STK3: variants seen among roughly 807,000 people sequenced by gnomAD.
STK3 encodes the protein serine/threonine kinase 3, also known as serine/threonine-protein kinase 3.
In STK3, 41 loss-of-function variants were observed where a neutral mutation model predicts 58.0. That is an observed-to-expected ratio of 0.71 (90% CI 0.55 to 0.92). The LOEUF is 0.92. Among genes scored for constraint, STK3 ranks in the 40% least tolerant of loss-of-function variants. The pLI is 0.00. For synonymous variants in STK3, 170 were observed against 191.0 expected (o/e 0.89, Z 0.91); for missense variants, 479 against 602.7 (o/e 0.79, Z 2.15).
At chr8:98,583,678 C>G (rs1302171491) in intron 7 of STK3, among the ~76,000 whole-genome samples, 1 of 152,166 alleles carries the variant, frequency 6.6e-6, no homozygotes, top group Non-Finnish European at 1.5e-5. Context: ...AAGGCAGCTT[C>G]TTGCGTCTTT....
intron 1 of STK3, among the ~76,000 whole-genome samples, chr8:98,385,837 T>C (rs1253767749): frequency 6.6e-6 from 1 of 152,226 alleles, no homozygotes; most frequent in Non-Finnish European, 1.5e-5. Flanking sequence ...CCAGCGCTCC[T>C]TGCCTCTTCT....
intron 1 of STK3, among the ~76,000 whole-genome samples, chr8:98,441,818 C>G (rs1818707249): frequency 1.3e-5 from 2 of 152,122 alleles, no homozygotes; most frequent in Non-Finnish European, 2.9e-5. Context: ...ATCTTTGTTC[C>G]CTTTTTGTTT....
intron 1 of STK3, among the ~76,000 whole-genome samples, chr8:98,931,015 G>T (rs900467399): frequency 1.3e-5 from 2 of 152,180 alleles, no homozygotes; most frequent in Non-Finnish European, 2.9e-5. Context: ...CTAACCCACA[G>T]CTTCTGTCTG....
At chr8:98,891,010 C>T (rs1243542261) in intron 1 of STK3, among the ~76,000 whole-genome samples, 1 of 152,216 alleles carries the variant, frequency 6.6e-6, no homozygotes, top group East Asian at 1.9e-4. Context: ...CTTACAAATG[C>T]CTTCTACTCA....
intron 3 of STK3, among the ~76,000 whole-genome samples, chr8:98,760,091 G>A (rs1172368130): frequency 6.6e-6 from 1 of 151,376 alleles, no homozygotes; most frequent in Non-Finnish European, 1.5e-5. Context: ...CTGAATCTGT[G>A]GATGCAGAAC....
At chr8:98,659,798 G>C (rs1238569929) in intron 6 of STK3, among the ~76,000 whole-genome samples, 1 of 151,822 alleles carries the variant, frequency 6.6e-6, no homozygotes, top group East Asian at 1.9e-4. Context: ...TAGCAATATA[G>C]CTGCAAAACA....
At chr8:98,855,607 C>A (rs1401142908) in intron 3 of STK3, among the ~76,000 whole-genome samples, 1 of 152,062 alleles carries the variant, frequency 6.6e-6, no homozygotes, top group Non-Finnish European at 1.5e-5. Context: ...TCAGCCATAG[C>A]TTCTTAGATA....
At chr8:98,818,390 G>A (rs891852747) in intron 1 of STK3, among the ~76,000 whole-genome samples, 2 of 152,182 alleles carry the variant, frequency 1.3e-5, no homozygotes, top group South Asian at 2.1e-4. Flanking sequence ...AGTAAAGGCC[G>A]AATGCCAATT....
At chr8:98,826,107 G>A (rs1835288939), upstream of STK3, among the ~76,000 whole-genome samples, 1 of 152,192 alleles carries the variant, frequency 6.6e-6, no homozygotes, top group South Asian at 2.1e-4. Flanking sequence ...GGCTGGGGAA[G>A]GGCAAGTCCC....
At chr8:98,511,957 A>AT (rs1301331227) in intron 10 of STK3, among the ~76,000 whole-genome samples, 1 of 150,758 alleles carries the variant, frequency 6.6e-6, no homozygotes, top group East Asian at 1.9e-4. Context: ...CACTTGCATA[A>AT]TTTTTTTTTT....
chr8:98,920,218 G>T (rs1332975769), intron 1 of STK3, among the ~76,000 whole-genome samples: 1 of 152,190 alleles, frequency 6.6e-6, no homozygotes, highest in Non-Finnish European at 1.5e-5. Context: ...ACTTCCATAT[G>T]TAGATTGTTG....
intron 8 of STK3, among the ~76,000 whole-genome samples, chr8:98,571,293 T>C (rs1812946892): frequency 6.6e-6 from 1 of 151,976 alleles, no homozygotes; most frequent in Admixed American, 6.5e-5. Context: ...ATCACGCCAC[T>C]GCACTCCAGC....
At chr8:98,829,297 T>C (rs1204865350), upstream of STK3, among the ~76,000 whole-genome samples, 1 of 152,208 alleles carries the variant, frequency 6.6e-6, no homozygotes, top group East Asian at 1.9e-4. Flanking sequence ...TTCTTCTCTA[T>C]GTCCTATGTT....
At chr8:98,863,944 C>A (rs149270577) in intron 3 of STK3, among the ~76,000 whole-genome samples, 5,920 of 152,078 alleles carry the variant, frequency 0.039, 173 homozygotes, top group Non-Finnish European at 0.055. Flanking sequence ...CGCCTGTAAT[C>A]CCAGCACTTT....
chr8:98,363,829 G>C, the STK3 span, among the ~76,000 whole-genome samples: 1 of 152,232 alleles, frequency 6.6e-6, no homozygotes, highest in Non-Finnish European at 1.5e-5. Flanking sequence ...TTCACAGCCA[G>C]AGGAGGGCCT....
intron 3 of STK3, chr8:98,431,091 A>C (rs1483011608): frequency 1.2e-5 from 2 of 167,092 alleles, no homozygotes; most frequent in Non-Finnish European, 2.9e-5. Flanking sequence ...CAGGGTTTTC[A>C]TCCAAAGGTT....
chr8:98,747,077 CA>C (rs1829690743), intron 4 of STK3, among the ~76,000 whole-genome samples: 1 of 119,392 alleles, frequency 8.4e-6, no homozygotes, highest in Non-Finnish European at 1.7e-5. Flanking sequence ...AGTAAAATAA[CA>C]ACATTTTCAC....
At chr8:98,484,774 ATCT>A (rs149855297) in intron 10 of STK3, among the ~76,000 whole-genome samples, 27 of 152,216 alleles carry the variant, frequency 1.8e-4, no homozygotes, top group African/African-American at 5.1e-4. Context: ...AAATTTTAAG[ATCT>A]TCTTGTTATG....
chr8:98,723,456 T>G (rs1827577854), intron 4 of STK3, among the ~76,000 whole-genome samples: 1 of 152,144 alleles, frequency 6.6e-6, no homozygotes, highest in Non-Finnish European at 1.5e-5. Context: ...ATGGTTTTGA[T>G]AAAAATACAC....
Sources: gnomAD v4.1 joint callset for allele counts (sites outside exome capture counted in the v4.1 genomes callset) on GRCh38, gnomAD v4.1.1 for gene constraint, MANE v1.5 for transcripts, NCBI Gene and HGNC (gene_info 2026-07-23, HGNC 2026-07-21) for gene names.